NEBL: variants seen among roughly 807,000 people sequenced by gnomAD.
NEBL encodes the protein LIM and SH3 protein 2.
A neutral mutation model predicts 140.2 loss-of-function variants in NEBL; 122 were observed. The observed-to-expected ratio is 0.87, with a 90% CI of 0.75 to 1.01. The LOEUF is 1.01. Among genes scored for constraint, NEBL ranks in the 50% least tolerant of loss-of-function variants. The pLI, the probability that NEBL is intolerant of heterozygous loss-of-function variation, is 0.00. For synonymous variants in NEBL, 436 were observed against 398.9 expected (o/e 1.09, Z -1.11); for missense variants, 1,365 against 1,231.3 (o/e 1.11, Z -1.62).
At chr10:20,798,470 T>C (rs1836793359) in intron 26 of NEBL, among the ~76,000 whole-genome samples, 2 of 152,182 alleles carry the variant, frequency 1.3e-5, no homozygotes, top group Admixed American at 1.3e-4. Flanking sequence ...GACAGGTAAG[T>C]ATGCATATCT....
rs571234732 is a variant in NEBL at position 20,941,784 on chromosome 10, T to C, written c.357+19888A>G. Among the ~76,000 whole-genome samples, 8 of 152,178 alleles carry C rather than the reference T, an allele frequency of 5.3e-5. No individual in the cohort carries two copies. In the South Asian group the frequency reaches 8.3e-4, roughly 16 times the overall value. On this transcript the variant is annotated intron_variant, in intron 4 of 6. Transcript: ENST00000417816. ...TGTGCAAAAATCACAAGCATTCTTA[T>C]ACACCAATAACAGACAAACAGAGAG...
chr10:20,846,374 T>C (rs1188673464), intron 11 of NEBL, among the ~76,000 whole-genome samples: 2 of 152,160 alleles, frequency 1.3e-5, no homozygotes, highest in African/African-American at 4.8e-5. Flanking sequence ...ATTATAGAGA[T>C]AGGTAATTTT....
chr10:21,112,244 A>G (rs1464883382), intron 2 of NEBL, among the ~76,000 whole-genome samples: 1 of 152,238 alleles, frequency 6.6e-6, no homozygotes, highest in Non-Finnish European at 1.5e-5. Context: ...TACTGGGTAT[A>G]TACCCAAAGT....
intron 3 of NEBL, among the ~76,000 whole-genome samples, chr10:21,244,290 T>G (rs1265438246): frequency 5.3e-5 from 8 of 151,630 alleles, no homozygotes; most frequent in Non-Finnish European, 8.8e-5. Context: ...CTCAGCCACC[T>G]GAGTAGTTGG....
chr10:21,246,193 T>C (rs1588559191), intron 3 of NEBL, among the ~76,000 whole-genome samples: 1 of 152,282 alleles, frequency 6.6e-6, no homozygotes, highest in South Asian at 2.1e-4. Flanking sequence ...CTCAACACCT[T>C]GCACCATGCC....
intron 2 of NEBL, among the ~76,000 whole-genome samples, chr10:21,083,997 T>C (rs950073968): frequency 5.3e-5 from 8 of 152,308 alleles, no homozygotes; most frequent in African/African-American, 1.7e-4. Flanking sequence ...TCCTGACTAA[T>C]ACAATTGTCA....
intron 4 of NEBL, among the ~76,000 whole-genome samples, chr10:20,915,702 G>A (rs952432313): frequency 1.3e-5 from 2 of 151,988 alleles, no homozygotes; most frequent in African/African-American, 4.8e-5. Flanking sequence ...TGTGAATAGT[G>A]CCACAATAAA....
intron 4 of NEBL, among the ~76,000 whole-genome samples, chr10:20,882,750 A>T (rs1226073001): frequency 6.6e-6 from 1 of 152,128 alleles, no homozygotes; most frequent in Non-Finnish European, 1.5e-5. Context: ...AAAAAAAAAA[A>T]ATGTCATCTG....
chr10:20,815,482 A>T (rs1055507435), intron 22 of NEBL, 143 bp downstream of exon 22: 30 of 691,870 alleles, frequency 4.3e-5, no homozygotes, highest in Admixed American at 3.4e-4. Context: ...TTTGGAAGTC[A>T]TCTGAAATAA....
intron 8 of NEBL, 128 bp downstream of exon 8, chr10:20,859,585 G>T: frequency 1.6e-6 from 1 of 614,114 alleles, no homozygotes. Flanking sequence ...AAAAGCTTTA[G>T]AAAAATATGC....
chr10:21,134,939 A>G (rs571677121), intron 2 of NEBL, among the ~76,000 whole-genome samples: 1 of 152,214 alleles, frequency 6.6e-6, no homozygotes, highest in Non-Finnish European at 1.5e-5. Flanking sequence ...ATGTACACAC[A>G]TCACACACAC....
At chr10:21,265,063 C>T (rs1842782870) in intron 1 of NEBL, among the ~76,000 whole-genome samples, 1 of 152,002 alleles carries the variant, frequency 6.6e-6, no homozygotes, top group Non-Finnish European at 1.5e-5. Context: ...GCTGGGATTA[C>T]AGGTGTGCGC....
rs533830649 is a variant in NEBL, at chr10:21,205,499, T to C, written n.349-33022A>G. ...TATTAAAAGTGACATTGCAGAAGTA[T>C]ATTTTTAATATGAAAAAATACTCAT... is the stretch of plus-strand genomic sequence containing the variant. On this transcript the variant is annotated intron_variant and non_coding_transcript_variant, in intron 3 of 8. Coordinates refer to the NEBL transcript ENST00000675702. Among the ~76,000 whole-genome samples the C allele has an allele frequency of 4.1e-3, 621 of 152,318 alleles. 3 individuals carry two copies. Among genetic ancestry groups the C allele is most frequent in the Non-Finnish European group, 6.2e-3 (425 of 68,038 alleles).
intron 2 of NEBL, among the ~76,000 whole-genome samples, chr10:21,094,462 A>G (rs2131973082): frequency 7.6e-6 from 1 of 131,376 alleles, no homozygotes; most frequent in Admixed American, 9.3e-5. Flanking sequence ...AGATTGTGCC[A>G]CTGCACTCCA....
chr10:20,898,462 C>T (rs575871159), upstream of NEBL, among the ~76,000 whole-genome samples: 2 of 151,694 alleles, frequency 1.3e-5, no homozygotes, highest in South Asian at 2.1e-4. Flanking sequence ...AATGCCTTGG[C>T]CTTACCTAAA....
chr10:21,067,121 C>T (rs753564566), intron 2 of NEBL, among the ~76,000 whole-genome samples: 11 of 151,762 alleles, frequency 7.2e-5, no homozygotes, highest in Admixed American at 3.3e-4. Context: ...TACAGGCGCC[C>T]GCCACCACGC....
chr10:20,824,208 G>C (rs1474229932), intron 18 of NEBL, among the ~76,000 whole-genome samples: 1 of 152,146 alleles, frequency 6.6e-6, no homozygotes, highest in Non-Finnish European at 1.5e-5. Context: ...GTATATGAAA[G>C]CATAGGCTCA....
chr10:21,089,379 C>T (rs1836800544), intron 2 of NEBL, among the ~76,000 whole-genome samples: 1 of 152,108 alleles, frequency 6.6e-6, no homozygotes, highest in African/African-American at 2.4e-5. Context: ...CATGGAAGTC[C>T]TGGACTCCAA....
chr10:21,202,694 C>T (rs1841760106), intron 3 of NEBL, among the ~76,000 whole-genome samples: 2 of 152,022 alleles, frequency 1.3e-5, no homozygotes, highest in East Asian at 3.9e-4. Context: ...GATTTCCTGA[C>T]CTCGTGATCG....
Sources: allele counts gnomAD v4.1 joint callset (sites outside exome capture counted in the v4.1 genomes callset), GRCh38; gene constraint gnomAD v4.1.1; transcripts MANE v1.5; gene names NCBI Gene and HGNC (gene_info 2026-07-23, HGNC 2026-07-21).